TC2N: variants seen among roughly 807,000 people sequenced by gnomAD.
The protein encoded by TC2N is tandem C2 domains nuclear protein.
TC2N carries 51 observed loss-of-function variants against 61.9 expected under a neutral mutation model. That is an observed-to-expected ratio of 0.82 (90% CI 0.66 to 1.04). The LOEUF (loss-of-function observed/expected upper bound fraction) is 1.04. Ranked by LOEUF, TC2N falls within the 50% of genes least tolerant of loss-of-function variation. TC2N has a pLI of 0.00. For synonymous variants in TC2N, 204 were observed against 192.6 expected, an observed-to-expected ratio of 1.06 and a Z score of -0.49; for missense variants, 556 against 566.7, an observed-to-expected ratio of 0.98 and a Z score of 0.19.
intron 1 of TC2N, among the ~76,000 whole-genome samples, chr14:91,835,063 T>G (rs1887944546): frequency 6.6e-6 from 1 of 152,230 alleles, no homozygotes; most frequent in Non-Finnish European, 1.5e-5. Context: ...CCACCTGAAT[T>G]AATCTCTCAA....
intron 2 of TC2N, among the ~76,000 whole-genome samples, chr14:91,812,760 T>C (rs888515391): frequency 2.6e-5 from 4 of 151,922 alleles, no homozygotes; most frequent in African/African-American, 7.2e-5. Flanking sequence ...TGCATTAACT[T>C]ATCATAATGG....
chr14:91,860,950 C>T (rs1888577581), intron 1 of TC2N, among the ~76,000 whole-genome samples: 1 of 152,232 alleles, frequency 6.6e-6, no homozygotes, highest in Admixed American at 6.5e-5. Context: ...AGGCTCTGGC[C>T]TCTGGAGACT....
At chr14:91,790,691 A>C (rs1480654985) in intron 9 of TC2N, among the ~76,000 whole-genome samples, 2 of 152,180 alleles carry the variant, frequency 1.3e-5, no homozygotes, top group African/African-American at 4.8e-5. Context: ...TTAAAGTTTT[A>C]ATATATGAAT....
At chr14:91,824,901 CTT>C (rs938385086) in intron 1 of TC2N, among the ~76,000 whole-genome samples, 16 of 151,936 alleles carry the variant, frequency 1.1e-4, no homozygotes, top group African/African-American at 3.9e-4. Context: ...GTTGTACCCA[CTT>C]TGCATTATTT....
At chr14:91,822,775 C>T (rs947375977) in intron 1 of TC2N, among the ~76,000 whole-genome samples, 3 of 145,432 alleles carry the variant, frequency 2.1e-5, no homozygotes, top group East Asian at 2.0e-4. Flanking sequence ...AGTGCAGTGG[C>T]GTGATCTCTG....
At chr14:91,851,209 T>C (rs1285199205) in intron 1 of TC2N, among the ~76,000 whole-genome samples, 5 of 152,212 alleles carry the variant, frequency 3.3e-5, no homozygotes, top group Admixed American at 6.5e-5. Context: ...TGCAAAAAGA[T>C]TGGGGACCAC....
intron 1 of TC2N, among the ~76,000 whole-genome samples, chr14:91,820,130 T>C (rs1157178473): frequency 1.3e-5 from 2 of 152,066 alleles, no homozygotes; most frequent in East Asian, 1.9e-4. Flanking sequence ...AGAAGTATGA[T>C]ACAAGTATAT....
At chr14:91,827,831 C>T (rs1047642864) in intron 1 of TC2N, among the ~76,000 whole-genome samples, 23 of 152,124 alleles carry the variant, frequency 1.5e-4, no homozygotes, top group Admixed American at 1.4e-3. Context: ...CTTTTATATT[C>T]TCCTGTTGCA....
At chr14:91,790,372 T>G (rs1885588074) in intron 9 of TC2N, among the ~76,000 whole-genome samples, 1 of 152,156 alleles carries the variant, frequency 6.6e-6, no homozygotes, top group South Asian at 2.1e-4. Context: ...ATTAGAATAT[T>G]TATTTTCCTC....
intron 1 of TC2N, among the ~76,000 whole-genome samples, chr14:91,821,868 A>T (rs886423563): frequency 6.6e-6 from 1 of 152,172 alleles, no homozygotes; most frequent in Admixed American, 6.5e-5. Context: ...TTCTCCAAAA[A>T]AATCTACAAG....
intron 1 of TC2N, among the ~76,000 whole-genome samples, chr14:91,851,536 A>T (rs1204592572): frequency 6.6e-6 from 1 of 152,228 alleles, no homozygotes; most frequent in East Asian, 1.9e-4. Context: ...GGAATGAAGA[A>T]GGAAGTTTTA....
chr14:91,825,915 A>G lies in TC2N; in HGVS notation c.-56-12090T>C, dbSNP rs888150387. On this transcript the variant is annotated intron_variant, in intron 1 of 11. Coordinates refer to ENST00000435962, the MANE Select transcript of TC2N (RefSeq NM_001128596.3). ...AGAGAAATTGTATACAATCAATGAT[A>G]TTCATAGTATATCATCAATTTTAAT... is the stretch of plus-strand genomic sequence containing the variant. Among the ~76,000 whole-genome samples the G allele has an allele frequency of 1.6e-4, 25 of 152,206 alleles. 1 individual carries two copies. Among genetic ancestry groups the G allele is most frequent in the South Asian group, 2.1e-4 (1 of 4,830 alleles).
intron 1 of TC2N, among the ~76,000 whole-genome samples, chr14:91,863,151 G>A (rs1888627961): frequency 6.6e-6 from 1 of 152,198 alleles, no homozygotes; most frequent in Non-Finnish European, 1.5e-5. Flanking sequence ...TTTTAAATGT[G>A]GAACTAGAAC....
In TC2N at chr14:91,813,016, T is replaced by TTA. The variant is rs1243193138; in HGVS notation, c.68-473_68-472dup. 4.0e-5 allele frequency among the ~76,000 whole-genome samples: 6 copies of TTA among 151,610 alleles called. No individual in the cohort carries two copies. The East Asian group carries it at 7.7e-4, about 19-fold the overall frequency. ...TTTAAGATGGGAGGTAAGTTATTCT[T>TTA]TATATATATATAATGCTATCTGTAG... On this transcript the variant is annotated intron_variant, in intron 2 of 11. Coordinates refer to ENST00000435962, the MANE Select transcript of TC2N (RefSeq NM_001128596.3).
chr14:91,834,546 A>G (rs1595267962), intron 1 of TC2N, among the ~76,000 whole-genome samples: 1 of 152,112 alleles, frequency 6.6e-6, no homozygotes, highest in Admixed American at 6.5e-5. Flanking sequence ...TACGGATTCT[A>G]AACTCACATT....
At chr14:91,809,462 C>G (rs1022640883) in intron 3 of TC2N, among the ~76,000 whole-genome samples, 1 of 152,094 alleles carries the variant, frequency 6.6e-6, no homozygotes, top group African/African-American at 2.4e-5. Flanking sequence ...AGACCCAACT[C>G]TCTTGTAGGT....
intron 1 of TC2N, among the ~76,000 whole-genome samples, chr14:91,862,640 T>C (rs1178993251): frequency 5.9e-5 from 9 of 152,204 alleles, no homozygotes; most frequent in African/African-American, 1.9e-4. Context: ...CAGCATTTGC[T>C]GGAAGGAGCC....
chr14:91,854,501 AAGGAGGTGGAGG>A (rs1888442367), intron 1 of TC2N, among the ~76,000 whole-genome samples: 1 of 93,630 alleles, frequency 1.1e-5, no homozygotes. Flanking sequence ...AGAGGAGGAG[AAGGAGGTGGAGG>A]AGGAGGAGGA....
chr14:91,822,769 C>T (rs1887315001), intron 1 of TC2N, among the ~76,000 whole-genome samples: 2 of 146,728 alleles, frequency 1.4e-5, no homozygotes. Flanking sequence ...GGCTGGAGTG[C>T]AGTGGCGTGA....
Sources: allele counts gnomAD v4.1 joint callset (sites outside exome capture counted in the v4.1 genomes callset), GRCh38; gene constraint gnomAD v4.1.1; transcripts MANE v1.5; gene names NCBI Gene and HGNC (gene_info 2026-07-23, HGNC 2026-07-21).